The following THRB variants were observed in gnomAD, a reference collection of about 807,000 sequenced individuals.
THRB encodes the protein nuclear receptor subfamily 1 group A member 2.
THRB carries 12 observed loss-of-function variants against 47.8 expected under a neutral mutation model. The ratio of observed to expected loss-of-function variants is 0.25; its 90% CI spans 0.16 to 0.41. The LOEUF is 0.41. Among genes scored for constraint, THRB ranks in the 10% least tolerant of loss-of-function variants. The pLI, the probability that THRB is intolerant of heterozygous loss-of-function variation, is 1.00. For missense variants in THRB, 348 were observed against 589.2 expected (o/e 0.59, Z 4.24); for synonymous variants, 218 against 212.2 (o/e 1.03, Z -0.24).
At chr3:24,475,189 A>G (rs1400045531) in intron 1 of THRB, among the ~76,000 whole-genome samples, 1 of 152,190 alleles carries the variant, frequency 6.6e-6, no homozygotes, top group Non-Finnish European at 1.5e-5. Context: ...TTTTCAAGTG[A>G]GCAAAAAATT....
intron 3 of THRB, among the ~76,000 whole-genome samples, chr3:24,237,134 T>C (rs1461026957): frequency 6.6e-6 from 1 of 152,174 alleles, no homozygotes; most frequent in African/African-American, 2.4e-5. Context: ...TAGTGAAAGC[T>C]CTGTCTGTAC....
intron 1 of THRB, among the ~76,000 whole-genome samples, chr3:24,437,881 T>A (rs897903634): frequency 6.6e-6 from 1 of 151,708 alleles, no homozygotes; most frequent in Non-Finnish European, 1.5e-5. Context: ...ACACAGATCA[T>A]CCCCCACCTT....
chr3:24,220,939 C>T lies in THRB; in HGVS notation c.22+7999G>A, dbSNP rs116326442. ...TGGGCAAGACACTTCACCACATTGG[C>T]TTCAGCCTGCTAATGTGTGAACCAT... On this transcript the variant is annotated intron_variant, in intron 4 of 10. Coordinates refer to ENST00000646209, the MANE Select transcript of THRB (RefSeq NM_001354712.2). 5.6e-3 allele frequency among the ~76,000 whole-genome samples: 857 copies of T among 152,324 alleles called. 4 individuals carry two copies. The highest frequency in any genetic ancestry group is 0.02 in the African/African-American group (825 of 41,578).
intron 1 of THRB, among the ~76,000 whole-genome samples, chr3:24,384,598 T>C (rs1241945132): frequency 1.3e-5 from 2 of 152,118 alleles, no homozygotes; most frequent in African/African-American, 4.8e-5. Context: ...ATTTCCACCC[T>C]TAGTATAATT....
At chr3:24,207,794 G>A (rs537185480) in intron 4 of THRB, among the ~76,000 whole-genome samples, 172 of 152,276 alleles carry the variant, frequency 1.1e-3, no homozygotes, top group African/African-American at 3.9e-3. Flanking sequence ...ACAAGACAGC[G>A]ATGCCCTCTC....
intron 2 of THRB, among the ~76,000 whole-genome samples, chr3:24,305,452 AG>A (rs2057271998): frequency 6.6e-6 from 1 of 152,204 alleles, no homozygotes; most frequent in South Asian, 2.1e-4. Flanking sequence ...TTGCATGTGT[AG>A]GGTAAGGTCA....
rs67972581 is a variant in THRB at position 24,159,727 on chromosome 3, CTGTGTGTGTGTGTGTGTGTGTG to C, written c.284-7259_284-7238del. The stretch of plus-strand genomic sequence containing the variant: ...GAGACATTTTTGGTTGCCACAACTG[CTGTGTGTGTGTGTGTGTGTGTG>C]TGTGTGTGTGTGTGTGTGTGTTTGC... On this transcript the variant is annotated intron_variant, in intron 5 of 10. Coordinates refer to ENST00000646209, the MANE Select transcript of THRB (RefSeq NM_001354712.2). Among the ~76,000 whole-genome samples the C allele has an allele frequency of 6.5e-4, 95 of 145,328 alleles. 1 individual carries two copies. The highest frequency in any genetic ancestry group is 8.3e-4 in the Non-Finnish European group (55 of 66,308).
chr3:24,413,083 CT>C (rs2068444935), intron 1 of THRB, among the ~76,000 whole-genome samples: 2 of 151,724 alleles, frequency 1.3e-5, no homozygotes, highest in Admixed American at 1.3e-4. Context: ...GAACTCACTT[CT>C]AAAAATTAAG....
chr3:24,449,803 A>G (rs1191434053), intron 1 of THRB, among the ~76,000 whole-genome samples: 6 of 152,144 alleles, frequency 3.9e-5, no homozygotes, highest in African/African-American at 1.4e-4. Flanking sequence ...TAATAATGGG[A>G]AAAAAAGAAG....
chr3:24,433,523 T>C (rs2070654026), intron 1 of THRB, among the ~76,000 whole-genome samples: 1 of 152,122 alleles, frequency 6.6e-6, no homozygotes, highest in Non-Finnish European at 1.5e-5. Context: ...GAGGAATTAG[T>C]TCTGCAGACC....
At chr3:24,465,100 C>T (rs373676396) in intron 1 of THRB, among the ~76,000 whole-genome samples, 50 of 152,118 alleles carry the variant, frequency 3.3e-4, no homozygotes, top group South Asian at 4.1e-4. Flanking sequence ...ATATATTCTG[C>T]AGTAGTTATT....
At chr3:24,428,148 G>T (rs577529354) in intron 1 of THRB, among the ~76,000 whole-genome samples, 2 of 152,068 alleles carry the variant, frequency 1.3e-5, no homozygotes, top group East Asian at 3.9e-4. Context: ...CATATACTAA[G>T]CTTCAGTCTT....
At position 24,428,398 on chromosome 3, in the gene THRB, A is replaced by T. The variant is rs369839215; in HGVS notation, c.-261+66254T>A. 3.9e-4 allele frequency among the ~76,000 whole-genome samples: 60 copies of T among 152,160 alleles called. No individual in the cohort carries two copies. The East Asian group carries it at 0.011, about 28-fold the overall frequency. On this transcript the variant is annotated intron_variant, in intron 1 of 10. Coordinates refer to ENST00000646209, the MANE Select transcript of THRB (RefSeq NM_001354712.2). ...GATAGCAACATTGTGCACAGAGCTC[A>T]TATGTATTTCCATTGCAAGTGATCA...
chr3:24,409,992 C>T (rs2068149031), intron 1 of THRB, among the ~76,000 whole-genome samples: 2 of 151,780 alleles, frequency 1.3e-5, no homozygotes, highest in Non-Finnish European at 1.5e-5. Flanking sequence ...TTTCTAAAAG[C>T]TATTTTCTCC....
intron 3 of THRB, 67 bp from the exon 4 acceptor site, chr3:24,229,068 A>T: frequency 1.0e-6 from 1 of 980,766 alleles, no homozygotes; most frequent in Non-Finnish European, 1.6e-6. Context: ...GTTTTGTTCC[A>T]AACAATATCA....
In THRB at chr3:24,333,375, G is replaced by T. The variant is rs188311968; in HGVS notation, c.-189+3925C>A. Among the ~76,000 whole-genome samples the T allele has an allele frequency of 3.1e-4, 47 of 152,272 alleles. No homozygotes were observed. The South Asian group carries it at 7.1e-3, about 23-fold the overall frequency. ...AGAAATAAATTTCAAGAACTTTGGC[G>T]CTAGCAGGATCAGTTGCCCAAAGTC... On this transcript the variant is annotated intron_variant, in intron 2 of 10. Transcript: ENST00000646209.
chr3:24,202,505 C>T (rs181679613), intron 4 of THRB, among the ~76,000 whole-genome samples: 4 of 152,182 alleles, frequency 2.6e-5, no homozygotes, highest in East Asian at 1.9e-4. Flanking sequence ...TATTTATGAC[C>T]GGCTCTGCCT....
intron 4 of THRB, among the ~76,000 whole-genome samples, chr3:24,226,643 G>C (rs568011169): frequency 6.6e-6 from 1 of 152,284 alleles, no homozygotes; most frequent in African/African-American, 2.4e-5. Context: ...GTCTAGGAGT[G>C]GGCCTAGATT....
chr3:24,196,043 A>T (rs1056860035), intron 4 of THRB, among the ~76,000 whole-genome samples: 2 of 152,234 alleles, frequency 1.3e-5, no homozygotes, highest in African/African-American at 4.8e-5. Flanking sequence ...AGCCTTATGA[A>T]TAACAGGTGC....
Sources: gnomAD v4.1 joint callset for allele counts (sites outside exome capture counted in the v4.1 genomes callset) on GRCh38, gnomAD v4.1.1 for gene constraint, MANE v1.5 for transcripts, NCBI Gene and HGNC (gene_info 2026-07-23, HGNC 2026-07-21) for gene names.